Variants in PTPN4 observed in about 807,000 individuals in gnomAD.
PTPN4 encodes tyrosine-protein phosphatase non-receptor type 4.
PTPN4 carries 49 observed loss-of-function variants against 135.5 expected under a neutral mutation model. The ratio of observed to expected loss-of-function variants is 0.36; its 90% CI spans 0.29 to 0.46. The LOEUF is 0.46. Among genes scored for constraint, PTPN4 ranks in the 20% least tolerant of loss-of-function variants. The probability of loss-of-function intolerance (pLI) is 1.00; values close to 1 mark genes in which losing one functional copy is unlikely to be tolerated. For synonymous variants in PTPN4, 333 were observed against 369.9 expected (o/e 0.90, Z 1.14); for missense variants, 860 against 1,101.0 (o/e 0.78, Z 3.10).
At position 119,809,815 on chromosome 2, in the gene PTPN4, AAT is replaced by A; in HGVS notation, c.-17-21_-17-20del. On this transcript the variant is annotated intron_variant, in intron 1 of 26. Transcript: ENST00000263708. Reference sequence around the variant, plus strand: ...TATTTTACGAACCTTTTATTTAGTGAATTTTTTTTTTTTTAACTTAGACTTTG... The same window carrying A: ...TATTTTACGAACCTTTTATTTAGTGATTTTTTTTTTTTAACTTAGACTTTG... 2 of 1,514,746 alleles carry A rather than the reference AAT, an allele frequency of 1.3e-6. No individual in the cohort carries two copies. Among genetic ancestry groups the A allele is most frequent in the African/African-American group, 1.4e-5 (1 of 69,386 alleles). The allele number at this position is 1,514,746 out of a possible 1,614,324, so 93.8% of individuals were successfully genotyped here. A position where few individuals can be genotyped will look rare whatever the true frequency, so the allele number is the denominator to read the frequency against.
chr2:119,903,353 T>C (rs577462806), intron 10 of PTPN4, among the ~76,000 whole-genome samples: 1 of 152,148 alleles, frequency 6.6e-6, no homozygotes, highest in African/African-American at 2.4e-5. Context: ...TCACCAGTGA[T>C]AACATCAAGG....
At chr2:119,768,889 TG>T (rs1187887443) in intron 1 of PTPN4, among the ~76,000 whole-genome samples, 1 of 152,230 alleles carries the variant, frequency 6.6e-6, no homozygotes, top group Non-Finnish European at 1.5e-5. Context: ...CAAAAAGGTC[TG>T]TGTCTTTAGG....
At chr2:119,830,448 A>AT in intron 2 of PTPN4, among the ~76,000 whole-genome samples, 1 of 152,120 alleles carries the variant, frequency 6.6e-6, no homozygotes, top group South Asian at 2.1e-4. Flanking sequence ...AGTTCTCATG[A>AT]TACCTGGTGT....
chr2:119,916,581 T>C (rs940786459), intron 11 of PTPN4: 11 of 152,142 alleles, frequency 7.2e-5, no homozygotes, highest in Admixed American at 6.5e-5. Context: ...CTCCAAGATA[T>C]GTAGTATATG....
At chr2:119,835,863 A>C (rs1207193301) in intron 2 of PTPN4, among the ~76,000 whole-genome samples, 1 of 151,988 alleles carries the variant, frequency 6.6e-6, no homozygotes, top group Non-Finnish European at 1.5e-5. Context: ...AGGTCAAGAG[A>C]TCGAAACCAT....
chr2:119,893,108 ATTTACAT>A (rs1678265433), intron 9 of PTPN4, among the ~76,000 whole-genome samples: 1 of 152,168 alleles, frequency 6.6e-6, no homozygotes, highest in Admixed American at 6.5e-5. Flanking sequence ...CATGTTGTGA[ATTTACAT>A]TTTTAAAATA....
intron 13 of PTPN4, among the ~76,000 whole-genome samples, chr2:119,931,859 C>T (rs1678911851): frequency 1.3e-5 from 2 of 152,090 alleles, no homozygotes; most frequent in South Asian, 4.1e-4. Flanking sequence ...ATTATTAACC[C>T]TCCAAAATGT....
At chr2:119,816,856 C>G (rs921805300) in intron 2 of PTPN4, among the ~76,000 whole-genome samples, 1 of 152,162 alleles carries the variant, frequency 6.6e-6, no homozygotes, top group East Asian at 1.9e-4. Context: ...CTGGAATTTA[C>G]GGAGATGTGA....
chr2:119,973,829 T>C (rs542919322), intron 26 of PTPN4, among the ~76,000 whole-genome samples: 58 of 152,246 alleles, frequency 3.8e-4, no homozygotes, highest in Admixed American at 1.0e-3. Context: ...CATATATTCT[T>C]TCTTCAAACG....
At chr2:119,929,210 GAT>G (rs1678866491) in intron 13 of PTPN4, among the ~76,000 whole-genome samples, 1 of 152,032 alleles carries the variant, frequency 6.6e-6, no homozygotes, top group Non-Finnish European at 1.5e-5. Flanking sequence ...TTCTCTGAAA[GAT>G]AAGCTTTTCT....
chr2:119,825,442 C>T (rs181044531), intron 2 of PTPN4, among the ~76,000 whole-genome samples: 9 of 150,498 alleles, frequency 6.0e-5, no homozygotes, highest in Admixed American at 2.6e-4. Flanking sequence ...AGGGATTTTG[C>T]GGCTTGCCCA....
intron 2 of PTPN4, among the ~76,000 whole-genome samples, chr2:119,812,303 TG>T: frequency 1.3e-5 from 2 of 152,298 alleles, no homozygotes; most frequent in Middle Eastern, 6.8e-3. Context: ...AAATCCTTTG[TG>T]GGCAGCTGCC....
chr2:119,779,445 A>G (rs1046818081), intron 1 of PTPN4, among the ~76,000 whole-genome samples: 3 of 152,050 alleles, frequency 2.0e-5, no homozygotes, highest in African/African-American at 7.2e-5. Flanking sequence ...GTGAAACCCC[A>G]TCTCTACTAA....
rs140069186 is a variant in PTPN4, at chr2:119,927,254, C to T, written c.1070+588C>T. Among the ~76,000 whole-genome samples the T allele has an allele frequency of 7.9e-5, 12 of 151,576 alleles. No homozygotes were observed. In the East Asian group the frequency reaches 9.8e-4, roughly 12 times the overall value. On this transcript the variant is annotated intron_variant, in intron 13 of 26. Coordinates refer to ENST00000263708, the MANE Select transcript of PTPN4 (RefSeq NM_002830.4). ...TCAGCCTCCCTAGTAGCTGGGATTA[C>T]GCATGCCACCACACCTGGCTAATAT...
intron 1 of PTPN4, among the ~76,000 whole-genome samples, chr2:119,763,832 A>G (rs1372687063): frequency 4.6e-5 from 7 of 152,208 alleles, no homozygotes; most frequent in African/African-American, 1.7e-4. Context: ...AGATGTGGCT[A>G]GTAGCTATAG....
intron 9 of PTPN4, among the ~76,000 whole-genome samples, chr2:119,895,094 G>A (rs902670748): frequency 6.6e-6 from 1 of 152,128 alleles, no homozygotes; most frequent in Admixed American, 6.5e-5. Context: ...TGTTAATAGC[G>A]GTTATCTCTG....
At chr2:119,900,889 C>G (rs367718813) in intron 10 of PTPN4, 83 bp downstream of exon 10, 12 of 800,890 alleles carry the variant, frequency 1.5e-5, no homozygotes, top group Non-Finnish European at 2.3e-5. Flanking sequence ...GGCTGTTGAA[C>G]TATTTTAATG....
chr2:119,905,398 A>G (rs1296979816), intron 10 of PTPN4, among the ~76,000 whole-genome samples: 1 of 152,236 alleles, frequency 6.6e-6, no homozygotes, highest in African/African-American at 2.4e-5. Context: ...TCAATATCAA[A>G]TGATAAAGGG....
chr2:119,893,923 G>A (rs1209660461), intron 9 of PTPN4, among the ~76,000 whole-genome samples: 1 of 152,092 alleles, frequency 6.6e-6, no homozygotes, highest in East Asian at 1.9e-4. Flanking sequence ...AACAAAAACG[G>A]AGAACAGTAA....
Sources: allele counts gnomAD v4.1 joint callset (sites outside exome capture counted in the v4.1 genomes callset), GRCh38; gene constraint gnomAD v4.1.1; transcripts MANE v1.5; gene names NCBI Gene and HGNC (gene_info 2026-07-23, HGNC 2026-07-21).